Variants in HPSE2 observed in about 807,000 individuals in gnomAD.
The protein encoded by HPSE2 is inactive heparanase-2.
HPSE2 carries 38 observed loss-of-function variants against 60.5 expected under a neutral mutation model. The observed-to-expected ratio is 0.63, with a 90% CI of 0.48 to 0.82. HPSE2 has a LOEUF of 0.82. Among genes scored for constraint, HPSE2 ranks in the 40% least tolerant of loss-of-function variants. The probability of loss-of-function intolerance (pLI) is 0.00; values close to 1 mark genes in which losing one functional copy is unlikely to be tolerated. For synonymous variants in HPSE2, 295 were observed against 293.2 expected (o/e 1.01, Z -0.06); for missense variants, 713 against 740.4 (o/e 0.96, Z 0.43).
At chr10:99,099,739 C>T (rs1355248763) in intron 3 of HPSE2, among the ~76,000 whole-genome samples, 1 of 152,186 alleles carries the variant, frequency 6.6e-6, no homozygotes, top group African/African-American at 2.4e-5. Context: ...GGGAGGCACC[C>T]CCTAGTAGGG....
intron 7 of HPSE2, among the ~76,000 whole-genome samples, chr10:98,623,479 T>G (rs1946126001): frequency 6.6e-6 from 1 of 152,152 alleles, no homozygotes; most frequent in Admixed American, 6.5e-5. Context: ...TTTCAAAGGG[T>G]GAATTTTATG....
intron 3 of HPSE2, among the ~76,000 whole-genome samples, chr10:99,029,892 T>C (rs57159510): frequency 0.48 from 73,594 of 152,068 alleles, 20,044 homozygotes; most frequent in Non-Finnish European, 0.62. Context: ...CCTTTCCCAG[T>C]CTGCTAAGTA....
At chr10:99,157,855 T>A (rs1846642741) in intron 2 of HPSE2, among the ~76,000 whole-genome samples, 1 of 118,898 alleles carries the variant, frequency 8.4e-6, no homozygotes, top group South Asian at 3.5e-4. Flanking sequence ...CCTACTCATC[T>A]GACAAAGGGC....
intron 2 of HPSE2, among the ~76,000 whole-genome samples, chr10:99,218,652 TG>T (rs1329332016): frequency 6.6e-6 from 1 of 152,234 alleles, no homozygotes; most frequent in Non-Finnish European, 1.5e-5. Flanking sequence ...ATTTCATAAA[TG>T]TAAGTTTTCT....
At chr10:99,299,273 AC>A in the HPSE2 span, among the ~76,000 whole-genome samples, 1 of 152,136 alleles carries the variant, frequency 6.6e-6, no homozygotes, top group Non-Finnish European at 1.5e-5. Context: ...AGTAAGCCGG[AC>A]CAGTACTACT....
intron 4 of HPSE2, among the ~76,000 whole-genome samples, chr10:98,725,086 A>G (rs143471775): frequency 0.033 from 5,012 of 152,236 alleles, 98 homozygotes; most frequent in Middle Eastern, 0.058. Flanking sequence ...TAGATTCAAT[A>G]CCATCCCCAT....
At chr10:98,522,078 A>G (rs1345330283) in intron 9 of HPSE2, among the ~76,000 whole-genome samples, 3 of 151,998 alleles carry the variant, frequency 2.0e-5, no homozygotes, top group Non-Finnish European at 4.4e-5. Flanking sequence ...GCACATGTAC[A>G]CCTATTTATC....
chr10:99,069,003 A>T (rs1842702280), intron 3 of HPSE2, among the ~76,000 whole-genome samples: 1 of 152,222 alleles, frequency 6.6e-6, no homozygotes, highest in Non-Finnish European at 1.5e-5. Flanking sequence ...GCCAAGTCCC[A>T]GCTGTCTTTA....
intron 9 of HPSE2, among the ~76,000 whole-genome samples, chr10:98,608,637 C>T (rs1945661498): frequency 6.6e-6 from 1 of 152,190 alleles, no homozygotes; most frequent in Non-Finnish European, 1.5e-5. Context: ...CAGCCTGAGT[C>T]TCAGTGATTG....
chr10:98,625,918 C>G (rs368792187), intron 7 of HPSE2, among the ~76,000 whole-genome samples: 5 of 151,984 alleles, frequency 3.3e-5, no homozygotes, highest in East Asian at 1.9e-4. Flanking sequence ...CTGGCTAACA[C>G]GGTGAAACCC....
At chr10:99,037,464 G>A (rs748091897) in intron 3 of HPSE2, among the ~76,000 whole-genome samples, 3 of 151,926 alleles carry the variant, frequency 2.0e-5, no homozygotes, top group Non-Finnish European at 4.4e-5. Context: ...GAAATTAAAA[G>A]TTTAAAAAAG....
Position 99,034,573 on chromosome 10 carries a change from G to A in HPSE2, c.610+109665C>T, listed in dbSNP as rs543548674. ...TGATTCTACCTGTATTACATGATACGTGTACACAGAGACATAAATACACAG... is the reference window on the plus strand; with the variant it reads ...TGATTCTACCTGTATTACATGATACATGTACACAGAGACATAAATACACAG... On this transcript the variant is annotated intron_variant, in intron 3 of 11. Transcript: ENST00000370552. Among the ~76,000 whole-genome samples, 8 of 151,958 alleles carry A rather than the reference G, an allele frequency of 5.3e-5. No individual in the cohort carries two copies. In the South Asian group the frequency reaches 1.2e-3, roughly 24 times the overall value.
At chr10:99,030,572 A>G (rs981217938) in intron 3 of HPSE2, among the ~76,000 whole-genome samples, 2 of 152,240 alleles carry the variant, frequency 1.3e-5, no homozygotes, top group Non-Finnish European at 2.9e-5. Flanking sequence ...CACTAAGCAG[A>G]ACAGTTTGGA....
chr10:98,760,438 T>A (rs182510241), intron 3 of HPSE2, among the ~76,000 whole-genome samples: 9 of 152,240 alleles, frequency 5.9e-5, no homozygotes, highest in African/African-American at 2.2e-4. Context: ...GCTGTGGGCA[T>A]GTCATATATG....
chr10:99,289,144 C>G, the HPSE2 span, among the ~76,000 whole-genome samples: 1 of 151,922 alleles, frequency 6.6e-6, no homozygotes, highest in Non-Finnish European at 1.5e-5. Context: ...ATCAGGAGTG[C>G]CTAAAGATGG....
At chr10:98,774,215 A>G (rs912878814) in intron 3 of HPSE2, among the ~76,000 whole-genome samples, 1 of 152,146 alleles carries the variant, frequency 6.6e-6, no homozygotes, top group Non-Finnish European at 1.5e-5. Flanking sequence ...AGTAAGGACT[A>G]GAATAAAAAA....
Position 98,939,230 on chromosome 10 carries a change from A to G in HPSE2, c.611-195174T>C, listed in dbSNP as rs1388337155. ...ATAATGACAGGATAAATTCACACAT[A>G]ACAATATTAACTTTAATTGTAAATG... On this transcript the variant is annotated intron_variant, in intron 3 of 11. Transcript: ENST00000370552. Among the ~76,000 whole-genome samples, 132 of 143,966 alleles carry G rather than the reference A, an allele frequency of 9.2e-4. 3 individuals are homozygous for G. The highest frequency in any genetic ancestry group is 2.4e-4 in the Non-Finnish European group (16 of 67,222). The allele number at this position is 143,966 out of a possible 152,430, so 94.4% of individuals were successfully genotyped here.
At chr10:98,732,263 G>T (rs1412147393) in intron 4 of HPSE2, among the ~76,000 whole-genome samples, 1 of 152,088 alleles carries the variant, frequency 6.6e-6, no homozygotes, top group Admixed American at 6.6e-5. Flanking sequence ...AGGCTTTGAT[G>T]AAGAAATTAA....
chr10:98,743,882 C>T lies in HPSE2; in HGVS notation c.784+1G>A. 6.2e-7 allele frequency: 1 copy of T among 1,613,098 alleles called. No individual in the cohort carries two copies. Among genetic ancestry groups the T allele is most frequent in the Non-Finnish European group, 8.5e-7 (1 of 1,179,080 alleles). On this transcript the variant is annotated splice_donor_variant, in intron 4 of 11. Coordinates refer to ENST00000370552, the MANE Select transcript of HPSE2 (RefSeq NM_021828.5). LOFTEE classifies it high-confidence loss of function. ...TCAGAGGAAGTAACATCCTTACTTA[C>T]CATTACCCAGTTCCCAAGAAATGTT... is the stretch of plus-strand genomic sequence containing the variant.
Sources: allele counts gnomAD v4.1 joint callset (sites outside exome capture counted in the v4.1 genomes callset), GRCh38; gene constraint gnomAD v4.1.1; transcripts MANE v1.5; gene names NCBI Gene and HGNC (gene_info 2026-07-23, HGNC 2026-07-21).